The following CADPS2 variants were observed in gnomAD, a reference collection of about 807,000 sequenced individuals.
The protein encoded by CADPS2 is calcium dependent secretion activator 2.
A neutral mutation model predicts 172.5 loss-of-function variants in CADPS2; 93 were observed. The ratio of observed to expected loss-of-function variants is 0.54; its 90% CI spans 0.46 to 0.64. CADPS2 has a LOEUF of 0.64. Among genes scored for constraint, CADPS2 ranks in the 30% least tolerant of loss-of-function variants. The pLI, the probability that CADPS2 is intolerant of heterozygous loss-of-function variation, is 0.00. For synonymous variants in CADPS2, 546 were observed against 555.2 expected, an observed-to-expected ratio of 0.98 and a Z score of 0.23; for missense variants, 1,420 against 1,565.9, an observed-to-expected ratio of 0.91 and a Z score of 1.57.
chr7:122,676,678 C>T, intron 2 of CADPS2: 1 of 1,588,742 alleles, frequency 6.3e-7, no homozygotes, highest in Non-Finnish European at 8.6e-7. Context: ...GGCCTGCTGT[C>T]AGCTGCTCAG....
At chr7:122,606,817 A>G (rs903831201) in intron 6 of CADPS2, among the ~76,000 whole-genome samples, 3 of 152,114 alleles carry the variant, frequency 2.0e-5, no homozygotes, top group Non-Finnish European at 4.4e-5. Context: ...TCTGTTAAGG[A>G]AATGAAATTT....
intron 1 of CADPS2, among the ~76,000 whole-genome samples, chr7:122,740,658 C>A (rs952164047): frequency 5.3e-5 from 8 of 151,868 alleles, no homozygotes; most frequent in Admixed American, 2.0e-4. Flanking sequence ...ATTAAAAATA[C>A]TGAAATGTCA....
At chr7:122,863,873 T>C (rs1290094132) in intron 1 of CADPS2, among the ~76,000 whole-genome samples, 1 of 151,974 alleles carries the variant, frequency 6.6e-6, no homozygotes, top group Non-Finnish European at 1.5e-5. Context: ...CTACTAAAAA[T>C]ACAAAAATTA....
At chr7:122,831,575 C>T (rs1806566288) in intron 1 of CADPS2, among the ~76,000 whole-genome samples, 1 of 152,194 alleles carries the variant, frequency 6.6e-6, no homozygotes, top group Admixed American at 6.5e-5. Context: ...TGCTGTTTCA[C>T]ATTAAGTCCC....
chr7:122,833,994 G>C (rs1175280056), intron 1 of CADPS2, among the ~76,000 whole-genome samples: 1 of 152,164 alleles, frequency 6.6e-6, no homozygotes, highest in African/African-American at 2.4e-5. Flanking sequence ...ATTTGAGCTG[G>C]TTCTTAAGCA....
Position 122,387,088 on chromosome 7 carries a change from T to C in CADPS2, c.3250A>G (p.Asn1084Asp). 1 of 1,564,684 alleles carries C rather than the reference T, an allele frequency of 6.4e-7. No individual in the cohort carries two copies. Among genetic ancestry groups the C allele is most frequent in the South Asian group, 1.2e-5 (1 of 85,314 alleles). ...TGCTTTTTGGCATCGACTAATACAT[T>C]AAACATAGTGCAAACGGAAGCTGGA... is the stretch of plus-strand genomic sequence containing the variant. ...RIPASVCTMF[N>D]VLVDAKKQST... The change falls in exon 24 of 30, where the codon AAT becomes GAT. Residue 1084 changes from asparagine (N) to aspartate (D), a missense_variant. Asn to Asp is a conservative substitution (Grantham distance 23). Coordinates refer to ENST00000449022, the MANE Select transcript of CADPS2 (RefSeq NM_017954.11).
chr7:122,600,503 C>T (rs769946967), intron 6 of CADPS2, among the ~76,000 whole-genome samples: 6 of 152,090 alleles, frequency 3.9e-5, no homozygotes, highest in South Asian at 2.1e-4. Context: ...TGACTAATCA[C>T]ATTAAGTCCA....
At position 122,679,267 on chromosome 7, in the gene CADPS2, G is replaced by GC. The variant is rs777401717; in HGVS notation, c.454-15699_454-15698insG. 1.9e-4 allele frequency among the ~76,000 whole-genome samples: 10 copies of GC among 52,206 alleles called. 4 individuals carry two copies. Among genetic ancestry groups the GC allele is most frequent in the South Asian group, 9.5e-4 (1 of 1,054 alleles). The allele number at this position is 52,206 out of a possible 152,430, so 34.2% of individuals were successfully genotyped here. ...GCCCTGGGAAAAGAATGCATTCCTG[G>GC]GGGGGGGGGGCTCTAAAATGGCCAC... On this transcript the variant is annotated intron_variant, in intron 2 of 29. Transcript: ENST00000449022.
At chr7:122,613,528 G>T (rs1271883233) in intron 6 of CADPS2, among the ~76,000 whole-genome samples, 1 of 152,028 alleles carries the variant, frequency 6.6e-6, no homozygotes, top group Non-Finnish European at 1.5e-5. Flanking sequence ...ACGTTTCTCA[G>T]AATGTATCCC....
intron 2 of CADPS2, among the ~76,000 whole-genome samples, chr7:122,732,813 TA>T (rs1239477225): frequency 7.1e-6 from 1 of 140,976 alleles, no homozygotes; most frequent in African/African-American, 2.7e-5. Flanking sequence ...ATTATATACA[TA>T]ATGTATATTA....
chr7:122,778,857 CA>C (rs1335726072), intron 1 of CADPS2, among the ~76,000 whole-genome samples: 1 of 152,156 alleles, frequency 6.6e-6, no homozygotes. Flanking sequence ...TGGGAGGGAC[CA>C]GGGGTGGAAT....
intron 2 of CADPS2, among the ~76,000 whole-genome samples, chr7:122,710,126 T>C (rs1043666716): frequency 6.6e-6 from 1 of 150,900 alleles, no homozygotes; most frequent in Non-Finnish European, 1.5e-5. Flanking sequence ...TCATTGAAAG[T>C]TTGCATATGC....
intron 3 of CADPS2, among the ~76,000 whole-genome samples, chr7:122,639,044 C>T (rs1260723383): frequency 1.3e-5 from 2 of 152,186 alleles, no homozygotes; most frequent in African/African-American, 4.8e-5. Context: ...GTACTAACTT[C>T]TGTGGCCACT....
intron 1 of CADPS2, among the ~76,000 whole-genome samples, chr7:122,855,922 AT>A: frequency 6.6e-6 from 1 of 152,286 alleles, no homozygotes; most frequent in Non-Finnish European, 1.5e-5. Context: ...GCAAATATTA[AT>A]ACCCCAGTCT....
At chr7:122,587,580 A>G (rs4731062) in intron 6 of CADPS2, among the ~76,000 whole-genome samples, 152,180 of 152,306 alleles carry the variant, frequency 1, 76,027 homozygotes, top group Middle Eastern at 1. Flanking sequence ...GAACATATGC[A>G]TGCATGTATC....
intron 2 of CADPS2, chr7:122,698,746 T>C (rs1564097121): frequency 6.2e-7 from 1 of 1,613,792 alleles, no homozygotes; most frequent in Non-Finnish European, 8.5e-7. Flanking sequence ...GACTCCAGTC[T>C]CTCCCAACTC....
intron 17 of CADPS2, among the ~76,000 whole-genome samples, chr7:122,425,279 C>T (rs1277000282): frequency 6.6e-6 from 1 of 151,866 alleles, no homozygotes; most frequent in Non-Finnish European, 1.5e-5. Flanking sequence ...CCATACTCAG[C>T]CATACATTTT....
intron 1 of CADPS2, among the ~76,000 whole-genome samples, chr7:122,751,352 G>A (rs940075970): frequency 2.0e-5 from 3 of 152,030 alleles, no homozygotes; most frequent in East Asian, 1.9e-4. Flanking sequence ...AAATCATGTC[G>A]AGGGAATGGG....
chr7:122,549,066 C>A (rs1352868022), intron 8 of CADPS2, among the ~76,000 whole-genome samples: 2 of 152,122 alleles, frequency 1.3e-5, no homozygotes, highest in Non-Finnish European at 2.9e-5. Context: ...CAAGCATTTT[C>A]TTTTGAATAA....
Sources: gnomAD v4.1 joint callset for allele counts (sites outside exome capture counted in the v4.1 genomes callset) on GRCh38, gnomAD v4.1.1 for gene constraint, MANE v1.5 for transcripts, NCBI Gene and HGNC (gene_info 2026-07-23, HGNC 2026-07-21) for gene names.